WDR59: variants seen among roughly 807,000 people sequenced by gnomAD.
The protein encoded by WDR59 is WD repeat domain 59.
WDR59 carries 100 observed loss-of-function variants against 131.2 expected under a neutral mutation model. That is an observed-to-expected ratio of 0.76 (90% CI 0.65 to 0.90). WDR59 has a LOEUF of 0.90. Ranked by LOEUF, WDR59 falls within the 40% of genes least tolerant of loss-of-function variation. WDR59 has a pLI of 0.00. For missense variants in WDR59, 1,203 were observed against 1,262.2 expected (o/e 0.95, Z 0.71); for synonymous variants, 601 against 466.2 (o/e 1.29, Z -3.72).
intron 3 of WDR59, among the ~76,000 whole-genome samples, chr16:74,953,381 G>A (rs1049700642): frequency 6.6e-6 from 1 of 151,138 alleles, no homozygotes; most frequent in Non-Finnish European, 1.5e-5. Context: ...GCTGAGGCAC[G>A]AGAATTCCTT....
intron 21 of WDR59, 65 bp downstream of exon 21, chr16:74,889,638 T>C (rs2144813686): frequency 7.6e-7 from 1 of 1,309,164 alleles, no homozygotes; most frequent in African/African-American, 1.5e-5. Flanking sequence ...TGGTGACATT[T>C]CAAGTGTTTA....
rs149091157 is a variant in WDR59 at position 74,913,399 on chromosome 16, G to A, written c.1225-1037C>T. Among the ~76,000 whole-genome samples the A allele has an allele frequency of 7.2e-4, 109 of 151,776 alleles. No individual in the cohort carries two copies. In the East Asian group the frequency reaches 0.019, roughly 27 times the overall value. ...CTCCCACCTCAACCTCCCAAATACT[G>A]GGACTACAGGCCACCATGCCCAGCA... On this transcript the variant is annotated intron_variant, in intron 13 of 25. Transcript: ENST00000262144.
chr16:74,935,978 C>T (rs571977425), intron 8 of WDR59, among the ~76,000 whole-genome samples: 2 of 147,926 alleles, frequency 1.4e-5, no homozygotes, highest in East Asian at 3.9e-4. Context: ...ACCCGGGTGA[C>T]AGAGCAAGAC....
rs755419556 is a variant in WDR59 at position 74,888,303 on chromosome 16, G to A, written c.2212C>T (p.Arg738Trp). Residue 738 changes from arginine to tryptophan, a missense_variant, in exon 22 of 26, where the codon CGG becomes TGG. Coordinates refer to ENST00000262144, the MANE Select transcript of WDR59 (RefSeq NM_030581.4). ...LLESLLAHYC[R>W]LRDVQTLAML... is the part of the protein sequence containing the mutation. ...GCCAGTGTCTGAACATCCCGGAGCC[G>A]GCAATAGTGAGCCAACCTGAGGAAA... The A allele has an allele frequency of 6.2e-6, 10 of 1,612,968 alleles. No individual in the cohort carries two copies. The highest frequency in any genetic ancestry group is 5.5e-5 in the South Asian group (5 of 90,902).
chr16:74,944,460 T>C (rs927955078), intron 6 of WDR59, among the ~76,000 whole-genome samples: 3 of 139,430 alleles, frequency 2.2e-5, no homozygotes, highest in Admixed American at 7.2e-5. Flanking sequence ...AGCAAGACTG[T>C]CTCAAAAAAA....
chr16:74,941,067 A>T (rs2032181246), intron 7 of WDR59, among the ~76,000 whole-genome samples: 1 of 151,804 alleles, frequency 6.6e-6, no homozygotes, highest in Non-Finnish European at 1.5e-5. Context: ...AAAGAAGGCC[A>T]GGAGCAGTGG....
intron 3 of WDR59, among the ~76,000 whole-genome samples, chr16:74,952,623 A>C (rs2033071302): frequency 1.3e-5 from 2 of 151,806 alleles, no homozygotes. Flanking sequence ...TAGAAAAATA[A>C]CTTCCATCAA....
chr16:74,973,694 T>C (rs1222328686), intron 1 of WDR59, among the ~76,000 whole-genome samples: 1 of 152,218 alleles, frequency 6.6e-6, no homozygotes, highest in Non-Finnish European at 1.5e-5. Context: ...GTCTTCTCTT[T>C]TAAATGAGAA....
Position 74,885,119 on chromosome 16 carries a change from G to A in WDR59, c.2689+534C>T, listed in dbSNP as rs144611112. Reference sequence around the variant, plus strand: ...GAAGAAATATCCATCCCTCTCATCCGCGCTGGAGTACTGTATATCAACTAC... The same window carrying A: ...GAAGAAATATCCATCCCTCTCATCCACGCTGGAGTACTGTATATCAACTAC... On this transcript the variant is annotated intron_variant, in intron 25 of 25. Transcript: ENST00000262144. 8.5e-5 allele frequency among the ~76,000 whole-genome samples: 13 copies of A among 152,248 alleles called. No homozygotes were observed. In the East Asian group the frequency reaches 1.7e-3, roughly 20 times the overall value.
At chr16:74,917,029 T>A (rs760984218) in intron 11 of WDR59, among the ~76,000 whole-genome samples, 3 of 152,170 alleles carry the variant, frequency 2.0e-5, no homozygotes, top group Non-Finnish European at 4.4e-5. Flanking sequence ...ATTCATTCTG[T>A]GCAAAGCAAT....
At chr16:74,980,891 G>A (rs2034376425) in intron 1 of WDR59, among the ~76,000 whole-genome samples, 1 of 151,898 alleles carries the variant, frequency 6.6e-6, no homozygotes, top group African/African-American at 2.4e-5. Flanking sequence ...CTTGAACCCA[G>A]GAGGTGGAGG....
At chr16:74,915,219 C>A (rs988451249) in intron 13 of WDR59, among the ~76,000 whole-genome samples, 3 of 152,062 alleles carry the variant, frequency 2.0e-5, no homozygotes, top group Non-Finnish European at 4.4e-5. Flanking sequence ...AACTCTGTCC[C>A]CAACTTCAGC....
intron 18 of WDR59, among the ~76,000 whole-genome samples, chr16:74,894,625 A>G (rs923370803): frequency 1.3e-5 from 2 of 152,224 alleles, no homozygotes; most frequent in African/African-American, 4.8e-5. Flanking sequence ...AAGTGATTCA[A>G]CTAAGGAAGG....
rs537592720 is a variant in WDR59 at position 74,890,575 on chromosome 16, T to C, written c.2083-760A>G. 8.3e-4 allele frequency among the ~76,000 whole-genome samples: 126 copies of C among 152,320 alleles called. No individual in the cohort carries two copies. In the Middle Eastern group the frequency reaches 0.02, roughly 25 times the overall value. Reference sequence around the variant, plus strand: ...CTAAATAATGAAAGACTTTGTTGCCTTCATTATAAAAGTTTCAGTATCCTC... The same window carrying C: ...CTAAATAATGAAAGACTTTGTTGCCCTCATTATAAAAGTTTCAGTATCCTC... On this transcript the variant is annotated intron_variant, in intron 20 of 25. Coordinates refer to ENST00000262144, the MANE Select transcript of WDR59 (RefSeq NM_030581.4).
chr16:74,958,828 C>T (rs552546648), intron 2 of WDR59, among the ~76,000 whole-genome samples: 20 of 133,952 alleles, frequency 1.5e-4, no homozygotes, highest in African/African-American at 4.7e-4. Flanking sequence ...TGTGGGAGGC[C>T]GAGGCGGATG....
At chr16:74,895,868 A>C (rs1156685292) in intron 18 of WDR59, among the ~76,000 whole-genome samples, 1 of 152,168 alleles carries the variant, frequency 6.6e-6, no homozygotes, top group East Asian at 1.9e-4. Context: ...ACTAAATACT[A>C]TGGCAGGGCC....
chr16:74,981,673 T>G (rs1383803994), intron 1 of WDR59, among the ~76,000 whole-genome samples: 1 of 100,740 alleles, frequency 9.9e-6, no homozygotes, highest in African/African-American at 4.2e-5. Flanking sequence ...TTTTTTTTTT[T>G]TAGATGGAGT....
At chr16:74,877,764 C>G (rs1442371527) in intron 25 of WDR59, among the ~76,000 whole-genome samples, 1 of 152,140 alleles carries the variant, frequency 6.6e-6, no homozygotes, top group Non-Finnish European at 1.5e-5. Flanking sequence ...AGTCTGGTCT[C>G]GAACTCCTGA....
intron 13 of WDR59, among the ~76,000 whole-genome samples, chr16:74,912,571 G>A (rs1966152390): frequency 6.6e-6 from 1 of 152,180 alleles, no homozygotes; most frequent in Non-Finnish European, 1.5e-5. Flanking sequence ...AATGGAATAA[G>A]CTCAAAGTTG....
Sources: allele counts gnomAD v4.1 joint callset (sites outside exome capture counted in the v4.1 genomes callset), GRCh38; gene constraint gnomAD v4.1.1; transcripts MANE v1.5; gene names NCBI Gene and HGNC (gene_info 2026-07-23, HGNC 2026-07-21).